FHIP2B: variants seen among roughly 807,000 people sequenced by gnomAD.
The protein encoded by FHIP2B is FHF complex subunit HOOK interacting protein 2B.
In FHIP2B, 72 loss-of-function variants were observed where a neutral mutation model predicts 84.0. The ratio of observed to expected loss-of-function variants is 0.86; its 90% confidence interval spans 0.71 to 1.04. The LOEUF (loss-of-function observed/expected upper bound fraction) is 1.04, where lower values mean the gene tolerates loss of function less well. FHIP2B is among the 50% of genes least tolerant of loss of function. The pLI is 0.00. For synonymous variants in FHIP2B, 497 were observed against 418.7 expected, an observed-to-expected ratio of 1.19 and a Z score of -2.28; for missense variants, 972 against 968.9, an observed-to-expected ratio of 1.00 and a Z score of -0.04.
At chr8:22,102,447 A>G in intron 15 of FHIP2B, 81 bp from the exon 16 acceptor site, 2 of 1,531,852 alleles carry the variant, frequency 1.3e-6, no homozygotes, top group Non-Finnish European at 1.8e-6. Context: ...ACAGTCTCCC[A>G]TGCTCTGCAT....
rs966380930 is a variant in FHIP2B, at chr8:22,094,783, C to G, written c.124+265C>G. 11 of 1,271,428 alleles carry G rather than the reference C, an allele frequency of 8.7e-6. No homozygotes were observed. The African/African-American group carries it at 1.7e-4, about 20-fold the overall frequency. The allele number at this position is 1,271,428 out of a possible 1,614,324, so 78.8% of individuals were successfully genotyped here. A position where few individuals can be genotyped will look rare whatever the true frequency, so the allele number is the denominator to read the frequency against. On this transcript the variant is annotated intron_variant, in intron 2 of 16. Coordinates refer to ENST00000289921, the MANE Select transcript of FHIP2B (RefSeq NM_022749.7). ...AGGAGTAGCCTGGTTGGGGGTCTCA[C>G]TGGCCTGACTCTGCAAGGAAGAGGT... is the stretch of plus-strand genomic sequence containing the variant.
intron 1 of FHIP2B, among the ~76,000 whole-genome samples, chr8:22,091,208 C>G (rs908960000): frequency 6.7e-6 from 1 of 148,748 alleles, no homozygotes; most frequent in African/African-American, 2.5e-5. Context: ...TTCCCGCCCT[C>G]TTCTGATCTA....
chr8:22,103,831 G>A lies in FHIP2B; in HGVS notation c.*900G>A, dbSNP rs1443276211. 1 of 152,580 alleles carries A rather than the reference G, an allele frequency of 6.6e-6. No individual in the cohort carries two copies. The highest frequency in any genetic ancestry group is 2.4e-5 in the African/African-American group (1 of 41,476). 9.5% of individuals were successfully genotyped at this position (152,580 alleles called of 1,614,324 possible). ...ACGCCCCCTGACTCCAGGCCCCTGA[G>A]CCTGGCGGGAAGTGGCTGCGGCCCA... On this transcript the variant is annotated 3_prime_UTR_variant, in exon 17 of 17. Coordinates refer to ENST00000289921, the MANE Select transcript of FHIP2B (RefSeq NM_022749.7).
In FHIP2B at chr8:22,099,326, T is replaced by C; in HGVS notation, c.1117T>C (p.Phe373Leu). 6.2e-7 allele frequency: 1 copy of C among 1,613,824 alleles called. No homozygotes were observed. Among genetic ancestry groups the C allele is most frequent in the Middle Eastern group, 1.7e-4 (1 of 6,060 alleles). The change falls in exon 9 of 17, where the codon TTC becomes CTC. Residue 373 changes from phenylalanine to leucine, a missense_variant. By Grantham distance (22) the Phe-to-Leu change is conservative (BLOSUM62 0). Coordinates refer to ENST00000289921, the MANE Select transcript of FHIP2B (RefSeq NM_022749.7). ...GGCGAAGGCTGTGGCTGAGAACTTC[T>C]TCGTGGAGACCCTGCAGCCCCAGCT... ...ALAKAVAENF[F>L]VETLQPQLLH...
At position 22,096,114 on chromosome 8, in the gene FHIP2B, A is replaced by G. The variant is rs543393042; in HGVS notation, c.125-223A>G. On this transcript the variant is annotated intron_variant, in intron 2 of 16. Coordinates refer to ENST00000289921, the MANE Select transcript of FHIP2B (RefSeq NM_022749.7). ...CCCCCTGATAAAGGGCTGGGCATGC[A>G]TGCGTTCTCAGAGGACTGTGTCCTG... The G allele has an allele frequency of 1.6e-5, 8 of 488,388 alleles. No homozygotes were observed. In the East Asian group the frequency reaches 2.9e-4, roughly 18 times the overall value. The allele number at this position is 488,388 out of a possible 1,614,324, so 30.3% of individuals were successfully genotyped here. A position where few individuals can be genotyped will look rare whatever the true frequency, so the allele number is the denominator to read the frequency against.
chr8:22,101,146 C>T (rs1450050874), intron 12 of FHIP2B, 174 bp downstream of exon 12: 5 of 802,442 alleles, frequency 6.2e-6, no homozygotes, highest in Non-Finnish European at 9.6e-6. Context: ...CCTCAGCCTC[C>T]CGAGTACCTG....
intron 1 of FHIP2B, among the ~76,000 whole-genome samples, chr8:22,090,149 A>ATGGT (rs1825400203): frequency 4.1e-5 from 1 of 24,558 alleles, no homozygotes. Context: ...TATTCCCGGT[A>ATGGT]GGGTGGGGGG....
rs59841460 is a variant in FHIP2B at position 22,093,708 on chromosome 8, C to CTTTTTTTTTTTTT, written c.46-718_46-706dup. On this transcript the variant is annotated intron_variant, in intron 1 of 16. Coordinates refer to ENST00000289921, the MANE Select transcript of FHIP2B (RefSeq NM_022749.7). ...ATTGAGAGGAATGGAAAAGCTTTGT[C>CTTTTTTTTTTTTT]TTTTTTTTTTTTTTTTTTTTTTTTT... is the stretch of plus-strand genomic sequence containing the variant. Among the ~76,000 whole-genome samples, 314 of 66,450 alleles carry CTTTTTTTTTTTTT rather than the reference C, an allele frequency of 4.7e-3. 74 individuals are homozygous for CTTTTTTTTTTTTT. Among genetic ancestry groups the CTTTTTTTTTTTTT allele is most frequent in the Non-Finnish European group, 5.2e-3 (203 of 39,060 alleles). 43.6% of individuals were successfully genotyped at this position (66,450 alleles called of 152,430 possible).
chr8:22,100,052 T>C (rs966040173), intron 10 of FHIP2B, 159 bp downstream of exon 10: 1 of 694,934 alleles, frequency 1.4e-6, no homozygotes, highest in Non-Finnish European at 2.2e-6. Flanking sequence ...ACTAATTTTC[T>C]ATGATCATAT....
rs1228617118 is a variant in FHIP2B, at chr8:22,101,858, A to G, written c.1851+7A>G. 3.1e-6 allele frequency: 5 copies of G among 1,612,770 alleles called. No individual in the cohort carries two copies. The highest frequency in any genetic ancestry group is 2.2e-5 in the East Asian group (1 of 44,846). ...GTCCCGGATTCTGGATCAGGTAGCTAGTGGGCCTGGGCCAGGAGAACTCCA... is the reference window on the plus strand; with the variant it reads ...GTCCCGGATTCTGGATCAGGTAGCTGGTGGGCCTGGGCCAGGAGAACTCCA... On this transcript the variant is annotated splice_region_variant and intron_variant, in intron 14 of 16. Transcript: ENST00000289921.
intron 12 of FHIP2B, 182 bp downstream of exon 12, chr8:22,101,154 C>G: frequency 2.6e-6 from 2 of 759,466 alleles, no homozygotes; most frequent in South Asian, 3.8e-5. Flanking sequence ...TCCCGAGTAC[C>G]TGGGATTACA....
At position 22,104,274 on chromosome 8, in the gene FHIP2B, AT is replaced by A. The variant is rs1451518751; in HGVS notation, c.*1345del. 9 of 152,406 alleles carry A rather than the reference AT, an allele frequency of 5.9e-5. No homozygotes were observed. Among genetic ancestry groups the A allele is most frequent in the African/African-American group, 1.9e-4 (8 of 41,440 alleles). 9.4% of individuals were successfully genotyped at this position (152,406 alleles called of 1,614,324 possible). ...GTCTGGACTCTTAGATTCATAAAAT[AT>A]TCGAGGGTTTGGGAGTCACAGACCC... On this transcript the variant is annotated 3_prime_UTR_variant, in exon 17 of 17. Coordinates refer to ENST00000289921, the MANE Select transcript of FHIP2B (RefSeq NM_022749.7).
rs189156044 is a variant in FHIP2B, at chr8:22,103,068, G to C, written c.*137G>C. On this transcript the variant is annotated 3_prime_UTR_variant, in exon 17 of 17. Coordinates refer to ENST00000289921, the MANE Select transcript of FHIP2B (RefSeq NM_022749.7). ...TCACTCAAGGAGACTGCGGCATGTT[G>C]ACCACACCAGACTGGGTTTCAGGGA... is the stretch of plus-strand genomic sequence containing the variant. 1,281 of 1,122,490 alleles carry C rather than the reference G, an allele frequency of 1.1e-3. 9 individuals carry two copies. The African/African-American group carries it at 0.015, about 13-fold the overall frequency. The allele number at this position is 1,122,490 out of a possible 1,614,324, so 69.5% of individuals were successfully genotyped here.
intron 7 of FHIP2B, 93 bp from the exon 8 acceptor site, chr8:22,098,855 A>T: frequency 8.7e-7 from 1 of 1,144,812 alleles, no homozygotes. Context: ...GAGGTTCCAC[A>T]GGAGAGGGGA....
rs1372952574 is a variant in FHIP2B, at chr8:22,101,731, C to T, written c.1731C>T (p.Val577=). Residue 577 remains valine (V), a synonymous_variant, in exon 14 of 17, where the codon GTC becomes GTT. Transcript: ENST00000289921. ...AGTTCCAGGAGTGCAGCTCCCGCGT[C>T]GCCTCCTGGGGCTGGCCTCTGACCC... ...YGLFQECSSR[V]ASWGWPLTPT... The T allele has an allele frequency of 3.7e-6, 6 of 1,612,636 alleles. No homozygotes were observed. Among genetic ancestry groups the T allele is most frequent in the South Asian group, 1.1e-5 (1 of 90,848 alleles).
At chr8:22,092,565 CTT>C (rs11393768) in intron 1 of FHIP2B, among the ~76,000 whole-genome samples, 1 of 124,024 alleles carries the variant, frequency 8.1e-6, no homozygotes, top group Non-Finnish European at 1.6e-5. Context: ...CGGTGAGACT[CTT>C]TTTTTTTTTT....
chr8:22,100,373 T>C, intron 10 of FHIP2B: 2 of 462,700 alleles, frequency 4.3e-6, no homozygotes, highest in Non-Finnish European at 7.4e-6. Context: ...TTGGCTTGCC[T>C]GAAATTGCAC....
rs1262431422 is a variant in FHIP2B, at chr8:22,100,680, T to A, written c.1428T>A (p.Leu476=). The change falls in exon 11 of 17, where the codon CTT becomes CTA. Residue 476 remains leucine, a synonymous_variant. Transcript: ENST00000289921. The stretch of plus-strand genomic sequence containing the variant: ...TCCACAGCCTGGTCCTGCGCAACCT[T>A]GAGGGCCGCCCTTACGTGGCCTGGG... ...GIIHSLVLRN[L]EGRPYVAWGS... is the part of the protein sequence containing the mutation. 8.7e-6 allele frequency: 14 copies of A among 1,607,152 alleles called. No homozygotes were observed. Among genetic ancestry groups the A allele is most frequent in the Non-Finnish European group, 1.1e-5 (13 of 1,176,328 alleles).
At chr8:22,094,838 G>T (rs990608423) in intron 2 of FHIP2B, 5 of 1,193,660 alleles carry the variant, frequency 4.2e-6, no homozygotes, top group Non-Finnish European at 5.2e-6. Context: ...TCCAGCTCCA[G>T]ACCTTCAGGC....
Sources: allele counts gnomAD v4.1 joint callset (sites outside exome capture counted in the v4.1 genomes callset), GRCh38; gene constraint gnomAD v4.1.1; transcripts MANE v1.5; gene names NCBI Gene and HGNC (gene_info 2026-07-23, HGNC 2026-07-21).